METAP1D: variants seen among roughly 807,000 people sequenced by gnomAD.
METAP1D encodes methionine aminopeptidase 1D, mitochondrial.
Under a neutral mutation model 40.5 loss-of-function variants are expected in METAP1D, and 31 were observed. The observed-to-expected ratio is 0.77, with a 90% confidence interval of 0.58 to 1.03. The LOEUF is 1.03. Ranked by LOEUF, METAP1D falls within the 50% of genes least tolerant of loss-of-function variation. The pLI is 0.00. For synonymous variants in METAP1D, 151 were observed against 146.4 expected, an observed-to-expected ratio of 1.03 and a Z score of -0.22; for missense variants, 411 against 420.7, an observed-to-expected ratio of 0.98 and a Z score of 0.20.
intron 1 of METAP1D, among the ~76,000 whole-genome samples, chr2:172,053,001 G>A (rs898169959): frequency 6.6e-6 from 1 of 152,044 alleles, no homozygotes; most frequent in Non-Finnish European, 1.5e-5. Flanking sequence ...GCCTTGAGAT[G>A]GGAAGGAACC....
intron 3 of METAP1D, 33 bp from the exon 4 acceptor site, chr2:172,065,571 G>T: frequency 1.2e-6 from 2 of 1,608,590 alleles, no homozygotes; most frequent in Non-Finnish European, 1.7e-6. Context: ...GTCTTCAATT[G>T]TTGCTGCACA....
chr2:172,037,294 GGTGTGT>G (rs4027462), intron 1 of METAP1D, among the ~76,000 whole-genome samples: 1 of 149,114 alleles, frequency 6.7e-6, no homozygotes, highest in Non-Finnish European at 1.5e-5. Flanking sequence ...TTTTACTTGG[GGTGTGT>G]GTGTGTGTGT....
chr2:172,051,580 G>A (rs1184754618), intron 1 of METAP1D, among the ~76,000 whole-genome samples: 1 of 152,142 alleles, frequency 6.6e-6, no homozygotes, highest in Non-Finnish European at 1.5e-5. Context: ...CCAACTTCCT[G>A]ATTAGGCCTT....
At position 172,042,391 on chromosome 2, in the gene METAP1D, A is replaced by G. The variant is rs1236008866; in HGVS notation, c.41-19107A>G. On this transcript the variant is annotated intron_variant, in intron 1 of 9. Transcript: ENST00000315796. Reference sequence around the variant, plus strand: ...TGTACATGTGTACATATATACATATATACATATATACATATGTATGTGTAC... The same window carrying G: ...TGTACATGTGTACATATATACATATGTACATATATACATATGTATGTGTAC... 7.8e-5 allele frequency among the ~76,000 whole-genome samples: 3 copies of G among 38,538 alleles called. 1 individual carries two copies. Among genetic ancestry groups the G allele is most frequent in the African/African-American group, 3.4e-4 (3 of 8,902 alleles). The allele number at this position is 38,538 out of a possible 152,430, so 25.3% of individuals were successfully genotyped here.
At position 172,080,444 on chromosome 2, in the gene METAP1D, TAA is replaced by T. The variant is rs1574150825; in HGVS notation, c.*40_*41del. On this transcript the variant is annotated 3_prime_UTR_variant, in exon 10 of 10. Transcript: ENST00000315796. The stretch of plus-strand genomic sequence containing the variant: ...AGGTCGCGGTGACCTGGTGCCTTTT[TAA>T]ATAAATTGCTGAAATTTGGCTGGAG... The T allele has an allele frequency of 6.2e-7, 1 of 1,600,606 alleles. No homozygotes were observed. The highest frequency in any genetic ancestry group is 8.6e-7 in the Non-Finnish European group (1 of 1,168,222).
At chr2:172,016,301 ATATATATATATAT>A (rs1359520696) in intron 1 of METAP1D, among the ~76,000 whole-genome samples, 1 of 33,974 alleles carries the variant, frequency 2.9e-5, no homozygotes, top group African/African-American at 8.9e-5. Flanking sequence ...AAAAAAAAAA[ATATATATATATAT>A]ATATATATAT....
chr2:172,040,415 T>C (rs1316276667), intron 1 of METAP1D, among the ~76,000 whole-genome samples: 1 of 152,222 alleles, frequency 6.6e-6, no homozygotes, highest in Non-Finnish European at 1.5e-5. Flanking sequence ...CATAGTGATT[T>C]TCTTCCAGAC....
At chr2:172,018,614 C>A (rs1436827297) in intron 1 of METAP1D, among the ~76,000 whole-genome samples, 1 of 152,134 alleles carries the variant, frequency 6.6e-6, no homozygotes, top group African/African-American at 2.4e-5. Flanking sequence ...GAGAATAAAA[C>A]AGAGAGGTCT....
intron 1 of METAP1D, among the ~76,000 whole-genome samples, chr2:172,013,109 T>C (rs1574090132): frequency 6.6e-6 from 1 of 152,318 alleles, no homozygotes; most frequent in East Asian, 1.9e-4. Context: ...CACAGCTAAT[T>C]GCTTGTCTAG....
chr2:172,031,022 T>C (rs988711214), intron 1 of METAP1D, among the ~76,000 whole-genome samples: 9 of 152,222 alleles, frequency 5.9e-5, no homozygotes, highest in African/African-American at 2.2e-4. Context: ...AGAAATATTT[T>C]ATTGGGAGAC....
intron 6 of METAP1D, among the ~76,000 whole-genome samples, chr2:172,076,894 G>C (rs917980825): frequency 4.6e-5 from 7 of 152,206 alleles, no homozygotes; most frequent in Non-Finnish European, 8.8e-5. Flanking sequence ...ATTCTTAATA[G>C]TATATATGTT....
At chr2:172,080,088 T>C (rs1690663768) in intron 8 of METAP1D, 40 bp from the exon 9 acceptor site, 1 of 1,523,336 alleles carries the variant, frequency 6.6e-7, no homozygotes, top group Non-Finnish European at 9.0e-7. Flanking sequence ...TTAACAAGAA[T>C]CTGATGAGGT....
chr2:172,066,404 T>C lies in METAP1D; in HGVS notation c.540+98T>C, dbSNP rs1690281890. The C allele has an allele frequency of 5.1e-6, 5 of 970,998 alleles. No homozygotes were observed. The East Asian group carries it at 1.2e-4, about 24-fold the overall frequency. The allele number at this position is 970,998 out of a possible 1,614,324, so 60.1% of individuals were successfully genotyped here. On this transcript the variant is annotated intron_variant, in intron 5 of 9. Transcript: ENST00000315796. Reference sequence around the variant, plus strand: ...AAAATGTGAACTGCACCAGTGGAAGTGCTGTTTACTTCTAGACCCAGACGC... The same window carrying C: ...AAAATGTGAACTGCACCAGTGGAAGCGCTGTTTACTTCTAGACCCAGACGC...
At chr2:172,050,961 A>C (rs963917607) in intron 1 of METAP1D, among the ~76,000 whole-genome samples, 2 of 152,156 alleles carry the variant, frequency 1.3e-5, no homozygotes, top group Non-Finnish European at 1.5e-5. Flanking sequence ...GCCTGAGTAT[A>C]TGTATTGTTG....
At chr2:172,010,363 A>AACT (rs1688684535) in intron 1 of METAP1D, among the ~76,000 whole-genome samples, 1 of 150,294 alleles carries the variant, frequency 6.7e-6, no homozygotes, top group South Asian at 2.1e-4. Context: ...GCTGGCTTTG[A>AACT]ACTCTTGAGC....
At chr2:172,016,301 ATATATATAT>A (rs1296143494) in intron 1 of METAP1D, among the ~76,000 whole-genome samples, 14 of 34,000 alleles carry the variant, frequency 4.1e-4, no homozygotes, top group Non-Finnish European at 5.4e-4. Flanking sequence ...AAAAAAAAAA[ATATATATAT>A]ATATATATAT....
In METAP1D at chr2:172,065,619, G is replaced by A. The variant is rs539397772; in HGVS notation, c.364G>A (p.Glu122Lys). 1.1e-5 allele frequency: 18 copies of A among 1,613,636 alleles called. No homozygotes were observed. The Middle Eastern group carries it at 5.0e-4, about 44-fold the overall frequency. ...GKSLKVDMTT[E>K]EIDALVHREI... ...AACATTTTAGGTTGACATGACAACTGAAGAGATAGATGCTCTTGTTCATCG... is the reference window on the plus strand; with the variant it reads ...AACATTTTAGGTTGACATGACAACTAAAGAGATAGATGCTCTTGTTCATCG... Residue 122 changes from glutamate to lysine, a missense_variant, in exon 4 of 10, where the codon GAA (glutamate) becomes AAA (lysine). Glu to Lys is a moderately conservative substitution (Grantham distance 56). Coordinates refer to ENST00000315796, the MANE Select transcript of METAP1D (RefSeq NM_199227.3).
At chr2:172,043,149 C>T (rs1487061701) in intron 1 of METAP1D, among the ~76,000 whole-genome samples, 1 of 126,378 alleles carries the variant, frequency 7.9e-6, no homozygotes, top group African/African-American at 2.6e-5. Flanking sequence ...ACTTTGTTCC[C>T]CAGGCTGGTC....
chr2:172,031,824 G>A (rs1689247209), intron 1 of METAP1D, among the ~76,000 whole-genome samples: 1 of 152,180 alleles, frequency 6.6e-6, no homozygotes, highest in African/African-American at 2.4e-5. Flanking sequence ...CCAAAATAAA[G>A]CCCTACGTCG....
Sources: gnomAD v4.1 joint callset for allele counts (sites outside exome capture counted in the v4.1 genomes callset) on GRCh38, gnomAD v4.1.1 for gene constraint, MANE v1.5 for transcripts, NCBI Gene and HGNC (gene_info 2026-07-23, HGNC 2026-07-21) for gene names.